UNC5D: variants seen among roughly 807,000 people sequenced by gnomAD.
UNC5D encodes the protein netrin receptor UNC5D.
A neutral mutation model predicts 105.4 loss-of-function variants in UNC5D; 39 were observed. The ratio of observed to expected loss-of-function variants is 0.37; its 90% CI spans 0.29 to 0.48. UNC5D has a LOEUF of 0.48. UNC5D is among the 20% of genes least tolerant of loss of function. UNC5D has a pLI of 0.98. For missense variants in UNC5D, 991 were observed against 1,202.4 expected, an observed-to-expected ratio of 0.82 and a Z score of 2.60; for synonymous variants, 452 against 450.4, an observed-to-expected ratio of 1.00 and a Z score of -0.04.
chr8:35,626,209 AAAGGT>A (rs1205821908), intron 4 of UNC5D, among the ~76,000 whole-genome samples: 3 of 147,988 alleles, frequency 2.0e-5, no homozygotes, highest in Non-Finnish European at 4.5e-5. Context: ...TTTTTTTTTT[AAAGGT>A]AAGGAAAGGA....
At chr8:35,338,625 G>A (rs1041550125) in intron 1 of UNC5D, among the ~76,000 whole-genome samples, 1 of 152,156 alleles carries the variant, frequency 6.6e-6, no homozygotes, top group Non-Finnish European at 1.5e-5. Context: ...GCACAGAGGA[G>A]GGTTTGTAGA....
At chr8:35,573,056 G>A (rs1181259729) in intron 3 of UNC5D, among the ~76,000 whole-genome samples, 4 of 152,166 alleles carry the variant, frequency 2.6e-5, no homozygotes, top group Non-Finnish European at 5.9e-5. Context: ...GCCTGCATCA[G>A]CCTCCCAAAG....
chr8:35,274,041 C>T (rs1240838705), intron 1 of UNC5D, among the ~76,000 whole-genome samples: 4 of 150,630 alleles, frequency 2.7e-5, no homozygotes, highest in Non-Finnish European at 5.9e-5. Context: ...ATTCATTTGT[C>T]TACCTCAACT....
At position 35,371,096 on chromosome 8, in the gene UNC5D, G is replaced by A. The variant is rs189410763; in HGVS notation, c.103+135209G>A. On this transcript the variant is annotated intron_variant, in intron 1 of 16. Coordinates refer to ENST00000404895, the MANE Select transcript of UNC5D (RefSeq NM_080872.4). ...GGGCATAGTAGTGTGTGCTTTAGTC[G>A]TAGCTACTTGGGAGGCTGAGGCAGG... is the stretch of plus-strand genomic sequence containing the variant. Among the ~76,000 whole-genome samples, 530 of 151,898 alleles carry A rather than the reference G, an allele frequency of 3.5e-3. 4 individuals are homozygous for A. Among genetic ancestry groups the A allele is most frequent in the African/African-American group, 0.012 (501 of 41,434 alleles).
chr8:35,767,052 A>G lies in UNC5D; in HGVS notation c.2464A>G (p.Thr822Ala). Residue 822 changes from threonine to alanine, a missense_variant, in exon 15 of 17, where the codon ACA (threonine) becomes GCA (alanine). Thr to Ala is a moderately conservative substitution (Grantham distance 58). Transcript: ENST00000404895. ...CCATGAACAGATCCTCCAAGTGCAG[A>G]CATCAATCCTAGAGGTGAGTCCTTG... ...KGHEQILQVQ[T>A]SILESERETI... The G allele has an allele frequency of 1.2e-6, 2 of 1,613,244 alleles. No homozygotes were observed. The highest frequency in any genetic ancestry group is 1.7e-6 in the Non-Finnish European group (2 of 1,179,584).
chr8:35,334,595 C>T (rs890650418), intron 1 of UNC5D, among the ~76,000 whole-genome samples: 20 of 152,022 alleles, frequency 1.3e-4, no homozygotes, highest in African/African-American at 4.6e-4. Flanking sequence ...TCACTGCAAC[C>T]TCCGTCTCCC....
intron 9 of UNC5D, chr8:35,724,056 T>C: frequency 8.3e-7 from 1 of 1,208,144 alleles, no homozygotes; most frequent in Non-Finnish European, 1.1e-6. Flanking sequence ...TGCTTCCTCT[T>C]ACCCTAGTAC....
intron 1 of UNC5D, among the ~76,000 whole-genome samples, chr8:35,368,411 G>T (rs1802253755): frequency 6.6e-6 from 1 of 151,966 alleles, no homozygotes; most frequent in Non-Finnish European, 1.5e-5. Flanking sequence ...GATAGTTTCA[G>T]ATATCTTTAC....
At chr8:35,346,216 G>T (rs1811798552) in intron 1 of UNC5D, among the ~76,000 whole-genome samples, 1 of 151,954 alleles carries the variant, frequency 6.6e-6, no homozygotes, top group Non-Finnish European at 1.5e-5. Flanking sequence ...GAGGAAGTCT[G>T]TGGAAACAAT....
At chr8:35,583,822 C>G (rs577856939) in intron 3 of UNC5D, among the ~76,000 whole-genome samples, 1 of 152,214 alleles carries the variant, frequency 6.6e-6, no homozygotes, top group Admixed American at 6.5e-5. Flanking sequence ...TTGACACAAC[C>G]AAATCAATGC....
intron 1 of UNC5D, among the ~76,000 whole-genome samples, chr8:35,271,128 A>T (rs1206532004): frequency 6.6e-6 from 1 of 150,876 alleles, no homozygotes; most frequent in Non-Finnish European, 1.5e-5. Context: ...CTTAACAGGA[A>T]TGCAAAAAAT....
At chr8:35,542,391 C>T (rs1396983672) in intron 1 of UNC5D, among the ~76,000 whole-genome samples, 2 of 152,168 alleles carry the variant, frequency 1.3e-5, no homozygotes, top group Non-Finnish European at 2.9e-5. Flanking sequence ...TGGCTTTCTG[C>T]TCTGACTTGC....
At chr8:35,591,773 A>T (rs1819190720) in intron 3 of UNC5D, among the ~76,000 whole-genome samples, 1 of 152,328 alleles carries the variant, frequency 6.6e-6, no homozygotes, top group Non-Finnish European at 1.5e-5. Context: ...AGTCTAGGAC[A>T]TAGAACCTGC....
intron 1 of UNC5D, among the ~76,000 whole-genome samples, chr8:35,480,607 G>C (rs1312068123): frequency 6.6e-6 from 1 of 152,088 alleles, no homozygotes; most frequent in African/African-American, 2.4e-5. Context: ...CTATATGTGA[G>C]AGTCTGTTCT....
At chr8:35,249,943 T>C (rs1203598213) in intron 1 of UNC5D, among the ~76,000 whole-genome samples, 1 of 152,084 alleles carries the variant, frequency 6.6e-6, no homozygotes, top group African/African-American at 2.4e-5. Flanking sequence ...TTTTCAAAAT[T>C]GCAGAAAGGA....
intron 3 of UNC5D, among the ~76,000 whole-genome samples, chr8:35,570,025 G>A (rs1027526165): frequency 5.3e-5 from 8 of 152,072 alleles, no homozygotes; most frequent in Non-Finnish European, 7.3e-5. Context: ...TCTTCATTGC[G>A]ACTTGCCTGC....
At chr8:35,343,362 C>A (rs909631003) in intron 1 of UNC5D, among the ~76,000 whole-genome samples, 1 of 152,034 alleles carries the variant, frequency 6.6e-6, no homozygotes, top group African/African-American at 2.4e-5. Context: ...CTATTTTAAT[C>A]TTTGCTAACC....
At chr8:35,496,899 A>C (rs1331465790) in intron 1 of UNC5D, among the ~76,000 whole-genome samples, 1 of 152,134 alleles carries the variant, frequency 6.6e-6, no homozygotes, top group Admixed American at 6.5e-5. Context: ...GGTTTCTTTC[A>C]TGCAGCATAA....
intron 11 of UNC5D, among the ~76,000 whole-genome samples, chr8:35,733,906 A>G (rs762157586): frequency 1.3e-5 from 2 of 152,108 alleles, no homozygotes; most frequent in Non-Finnish European, 2.9e-5. Context: ...TCTATAGCTC[A>G]ATGATTTGCA....
Sources: gnomAD v4.1 joint callset for allele counts (sites outside exome capture counted in the v4.1 genomes callset) on GRCh38, gnomAD v4.1.1 for gene constraint, MANE v1.5 for transcripts, NCBI Gene and HGNC (gene_info 2026-07-23, HGNC 2026-07-21) for gene names.